NHS: variants seen among roughly 807,000 people sequenced by gnomAD.
The protein encoded by NHS is actin remodeling regulator NHS.
In NHS, 5 loss-of-function variants were observed where a neutral mutation model predicts 72.5. The ratio of observed to expected loss-of-function variants is 0.07; its 90% CI spans 0.04 to 0.14. The LOEUF (loss-of-function observed/expected upper bound fraction) is 0.14, where lower values mean the gene tolerates loss of function less well. Ranked by LOEUF, NHS falls within the 10% of genes least tolerant of loss-of-function variation. The probability of loss-of-function intolerance (pLI) is 1.00; values close to 1 mark genes in which losing one functional copy is unlikely to be tolerated. For missense variants in NHS, 1,072 were observed against 1,355.7 expected (o/e 0.79, Z 3.29); for synonymous variants, 464 against 547.7 (o/e 0.85, Z 2.13).
At position 17,375,544 on chromosome X, in the gene NHS, C is replaced by G. The variant is rs2064340729; in HGVS notation, c.-214C>G. 2 of 423,399 alleles carry G rather than the reference C, an allele frequency of 4.7e-6. No homozygotes were observed. The highest frequency in any genetic ancestry group is 4.1e-5 in the Admixed American group (1 of 24,591). The allele number at this position is 423,399 out of a possible 1,213,427, so 34.9% of individuals were successfully genotyped here. On this transcript the variant is annotated 5_prime_UTR_variant, in exon 1 of 9. Coordinates refer to ENST00000676302, the MANE Select transcript of NHS (RefSeq NM_001291867.2). ...AGCGCTTGTCATCCTCCCCAGGGAA[C>G]GGTGCACCCAAAGGAGGACTGGCTG...
rs926935866 is a variant in NHS, at chrX:17,565,016, G to A, written c.566-122726G>A. Among the ~76,000 whole-genome samples, 7 of 108,166 alleles carry A rather than the reference G, an allele frequency of 6.5e-5. No individual in the cohort carries two copies. The East Asian group carries it at 2.0e-3, about 31-fold the overall frequency. The allele number at this position is 108,166 out of a possible 115,157, so 93.9% of individuals were successfully genotyped here. ...TTTTTGCAGCAACTCCCATTAAGAG[G>A]TGGAGCCTATTTCTCCACCTCCATT... On this transcript the variant is annotated intron_variant, in intron 1 of 8. Transcript: ENST00000676302.
chrX:17,454,152 A>G (rs1389736044), intron 1 of NHS, among the ~76,000 whole-genome samples: 4 of 111,990 alleles, frequency 3.6e-5, no homozygotes, highest in Non-Finnish European at 5.6e-5. Flanking sequence ...AATTTTGTAT[A>G]GGAGCCCAAC....
chrX:17,407,531 G>C (rs1398161762), intron 1 of NHS, among the ~76,000 whole-genome samples: 1 of 111,696 alleles, frequency 9.0e-6, no homozygotes, highest in Non-Finnish European at 1.9e-5. Flanking sequence ...GAAAGGCTCT[G>C]AAAAGCAAGC....
intron 1 of NHS, among the ~76,000 whole-genome samples, chrX:17,402,516 C>A (rs1416698739): frequency 8.9e-6 from 1 of 111,953 alleles, no homozygotes; most frequent in African/African-American, 3.2e-5. Context: ...ATACATGCTA[C>A]AACATGGATG....
At chrX:17,716,938 G>A (rs190599702) in intron 3 of NHS, among the ~76,000 whole-genome samples, 1 of 107,438 alleles carries the variant, frequency 9.3e-6, no homozygotes, top group Non-Finnish European at 1.9e-5. Context: ...ACTTCCTCCT[G>A]AGATCTTGAG....
At chrX:17,704,604 T>C (rs1029138979) in intron 3 of NHS, among the ~76,000 whole-genome samples, 5 of 111,490 alleles carry the variant, frequency 4.5e-5, no homozygotes, top group Non-Finnish European at 9.4e-5. Context: ...GGCCAAAATT[T>C]TTTAAAAGAA....
chrX:17,425,177 C>T (rs1214895837), intron 1 of NHS, among the ~76,000 whole-genome samples: 1 of 112,010 alleles, frequency 8.9e-6, no homozygotes, highest in Non-Finnish European at 1.9e-5. Flanking sequence ...ATTCCCTTCT[C>T]TTCAAAGCCC....
chrX:17,692,597 G>T, intron 3 of NHS, 129 bp downstream of exon 3: 4 of 846,113 alleles, frequency 4.7e-6, no homozygotes, highest in Non-Finnish European at 5.1e-6. Context: ...GGGCATTTGG[G>T]AACAAATTAA....
chrX:17,670,419 CACAGAACTG>C lies in NHS; in HGVS notation c.566-17316_566-17308del, dbSNP rs752202816. 2.2e-3 allele frequency among the ~76,000 whole-genome samples: 243 copies of C among 112,413 alleles called. 1 individual carries two copies. The highest frequency in any genetic ancestry group is 9.3e-3 in the Middle Eastern group (2 of 214). ...ATTCTTGCCCTGATATTTAATTCCTCACAGAACTGACAGAAGAAGCCTCATAACCACCCA... is the reference window on the plus strand; with the variant it reads ...ATTCTTGCCCTGATATTTAATTCCTCACAGAAGAAGCCTCATAACCACCCA... On this transcript the variant is annotated intron_variant, in intron 1 of 8. Transcript: ENST00000676302.
At position 17,687,744 on chromosome X, in the gene NHS, G is replaced by A. The variant is rs144769657; in HGVS notation, c.568G>A (p.Val190Ile). 18 of 1,209,803 alleles carry A rather than the reference G, an allele frequency of 1.5e-5. No homozygotes were observed. The highest frequency in any genetic ancestry group is 7.0e-5 in the African/African-American group (4 of 57,019). ...TLDPKQEAVP[V>I]SNLDIESKLS... is the part of the protein sequence containing the mutation. ...ACGCCCTGTTTCTTGTCTTGCAGCC[G>A]TCTCCAACCTGGACATAGAGAGTAA... The change falls in exon 2 of 9, where the codon GTC becomes ATC. Residue 190 changes from valine to isoleucine, a missense_variant and splice_region_variant. Transcript: ENST00000676302.
At chrX:17,400,367 T>C (rs112005821) in intron 1 of NHS, among the ~76,000 whole-genome samples, 5,177 of 111,286 alleles carry the variant, frequency 0.047, 309 homozygotes, top group African/African-American at 0.16. Flanking sequence ...GTGGGTGGAT[T>C]ACGAGGTCAG....
intron 1 of NHS, among the ~76,000 whole-genome samples, chrX:17,677,425 GAT>G (rs767814726): frequency 9.1e-6 from 1 of 110,135 alleles, no homozygotes; most frequent in East Asian, 2.9e-4. Flanking sequence ...GTACCTTGCT[GAT>G]ATATATATAT....
chrX:17,678,695 G>A (rs1216398203), intron 1 of NHS, among the ~76,000 whole-genome samples: 1 of 111,605 alleles, frequency 9.0e-6, no homozygotes, highest in African/African-American at 3.3e-5. Context: ...ATTTCAACAT[G>A]AGATTTGGGT....
chrX:17,457,486 T>C (rs887542965), intron 1 of NHS, among the ~76,000 whole-genome samples: 13 of 110,361 alleles, frequency 1.2e-4, no homozygotes, highest in Non-Finnish European at 2.5e-4. Flanking sequence ...ACTAATAGAG[T>C]AAGAACTCAC....
chrX:17,526,975 T>G (rs1217447129), intron 1 of NHS, among the ~76,000 whole-genome samples: 4 of 112,320 alleles, frequency 3.6e-5, no homozygotes, highest in African/African-American at 1.3e-4. Flanking sequence ...GCAAAACATA[T>G]AATCAAGTGA....
intron 1 of NHS, among the ~76,000 whole-genome samples, chrX:17,383,590 C>A (rs1171833157): frequency 8.9e-6 from 1 of 111,957 alleles, no homozygotes; most frequent in Middle Eastern, 4.2e-3. Flanking sequence ...GGAGAGAGAG[C>A]AAGAGTGAAG....
intron 3 of NHS, among the ~76,000 whole-genome samples, chrX:17,710,031 C>G (rs1322119969): frequency 8.9e-6 from 1 of 111,819 alleles, no homozygotes; most frequent in East Asian, 2.8e-4. Context: ...CTAACAGAAA[C>G]AGTGAGTGCC....
At chrX:17,537,232 A>G (rs994400833) in intron 1 of NHS, among the ~76,000 whole-genome samples, 3 of 112,174 alleles carry the variant, frequency 2.7e-5, no homozygotes, top group Non-Finnish European at 5.6e-5. Context: ...AATCAGCAAA[A>G]CTGACCAGCT....
Position 17,727,723 on chromosome X carries a change from C to T in NHS, c.3617C>T (p.Ser1206Phe). The T allele has an allele frequency of 8.3e-7, 1 of 1,210,927 alleles. No homozygotes were observed. The highest frequency in any genetic ancestry group is 2.3e-4 in the Middle Eastern group (1 of 4,353). Residue 1206 changes from serine (S) to phenylalanine (F), a missense_variant, in exon 7 of 9, where the codon TCT becomes TTT. Coordinates refer to ENST00000676302, the MANE Select transcript of NHS (RefSeq NM_001291867.2). The stretch of plus-strand genomic sequence containing the variant: ...ACCATACTGTCCTTTTTAGACTCTT[C>T]TGCAGTTGAGATGGGACCAGATAAA... Reference protein sequence around the residue: ...EDTILSFLDSSAVEMGPDKLH... With the variant: ...EDTILSFLDSFAVEMGPDKLH...
Sources: gnomAD v4.1 joint callset for allele counts (sites outside exome capture counted in the v4.1 genomes callset) on GRCh38, gnomAD v4.1.1 for gene constraint, MANE v1.5 for transcripts, NCBI Gene and HGNC (gene_info 2026-07-23, HGNC 2026-07-21) for gene names.